Variants in ZBTB40 observed in about 807,000 individuals in gnomAD.
ZBTB40 encodes the protein zinc finger and BTB domain containing 40, also known as zinc finger and BTB domain-containing protein 40.
Under a neutral mutation model 117.5 loss-of-function variants are expected in ZBTB40, and 60 were observed. That is an observed-to-expected ratio of 0.51 (90% confidence interval 0.41 to 0.63). The LOEUF (loss-of-function observed/expected upper bound fraction) is 0.63. Ranked by LOEUF, ZBTB40 falls within the 30% of genes least tolerant of loss-of-function variation. ZBTB40 has a pLI of 0.00. For missense variants in ZBTB40, 1,287 were observed against 1,498.5 expected, an observed-to-expected ratio of 0.86 and a Z score of 2.33; for synonymous variants, 525 against 577.1, an observed-to-expected ratio of 0.91 and a Z score of 1.29.
In ZBTB40 at chr1:22,526,972, G is replaced by A. The variant is rs180860108; in HGVS notation, c.*576G>A. 221 of 195,616 alleles carry A rather than the reference G, an allele frequency of 1.1e-3. No homozygotes were observed. The highest frequency in any genetic ancestry group is 1.8e-3 in the Non-Finnish European group (172 of 93,664). The allele number at this position is 195,616 out of a possible 1,614,324, so 12.1% of individuals were successfully genotyped here. On this transcript the variant is annotated 3_prime_UTR_variant, in exon 18 of 18. Transcript: ENST00000375647. ...GGTTCCCCCTCCACCCAGTGGCCACGCCCAGCACCCTATTGATGGCTATAG... is the reference window on the plus strand; with the variant it reads ...GGTTCCCCCTCCACCCAGTGGCCACACCCAGCACCCTATTGATGGCTATAG...
intron 17 of ZBTB40, 22 bp from the exon 18 acceptor site, chr1:22,526,180 C>T (rs765205752): frequency 2.5e-6 from 4 of 1,613,834 alleles, no homozygotes; most frequent in Non-Finnish European, 3.4e-6. Context: ...CCCAGAGCAG[C>T]CTCACGGTCT....
Position 22,511,861 on chromosome 1 carries a change from G to C in ZBTB40, c.2188G>C (p.Asp730His). The change falls in exon 11 of 18, where the codon GAC (aspartate) becomes CAC (histidine). Residue 730 changes from aspartate (D) to histidine (H), a missense_variant. Physicochemically the swap from Asp to His is moderately conservative, Grantham distance 81 (BLOSUM62 -1). Around this residue, in one of 2 missense-constraint regions of ZBTB40, gnomAD observed 870 missense variants for 934.4 expected, o/e 0.93. Coordinates refer to ENST00000375647, the MANE Select transcript of ZBTB40 (RefSeq NM_014870.4). The stretch of plus-strand genomic sequence containing the variant: ...AGAGAAAGAGGCTTCAGCCTCCCCA[G>C]ACCCTGCCAAGAAGAGCTTCATCTG... ...QQEKEASASP[D>H]PAKKSFICKA... 6.2e-7 allele frequency: 1 copy of C among 1,614,156 alleles called. No homozygotes were observed. Among genetic ancestry groups the C allele is most frequent in the Non-Finnish European group, 8.5e-7 (1 of 1,180,020 alleles).
In ZBTB40 at chr1:22,489,983, A is replaced by T; in HGVS notation, c.35A>T (p.Gln12Leu). The T allele has an allele frequency of 6.2e-7, 1 of 1,613,292 alleles. No homozygotes were observed. The highest frequency in any genetic ancestry group is 8.5e-7 in the Non-Finnish European group (1 of 1,179,980). The change falls in exon 2 of 18, where the codon CAG becomes CTG. Residue 12 changes from glutamine (Q) to leucine (L), a missense_variant. Physicochemically the swap from Gln to Leu is moderately radical, Grantham distance 113 (BLOSUM62 -2). Transcript: ENST00000375647. The part of the protein sequence containing the change: ...ELPNYSRQLL[Q>L]QLYTLCKEQQ... The stretch of plus-strand genomic sequence containing the variant: ...CCCAACTACAGCCGGCAGCTGCTGC[A>T]GCAGCTGTACACTCTGTGCAAGGAG...
chr1:22,460,070 C>A (rs567713331), intron 1 of ZBTB40, among the ~76,000 whole-genome samples: 1 of 152,206 alleles, frequency 6.6e-6, no homozygotes, highest in Admixed American at 6.5e-5. Context: ...ATACCTCCCC[C>A]CTTAAAGCTC....
chr1:22,470,384 G>C (rs1641372827), intron 1 of ZBTB40, among the ~76,000 whole-genome samples: 1 of 152,204 alleles, frequency 6.6e-6, no homozygotes, highest in Non-Finnish European at 1.5e-5. Flanking sequence ...AAGTGTGTGG[G>C]AGAAAGGAGT....
At chr1:22,437,553 T>G (rs922379733) in intron 1 of ZBTB40, among the ~76,000 whole-genome samples, 1 of 151,794 alleles carries the variant, frequency 6.6e-6, no homozygotes, top group East Asian at 2.0e-4. Context: ...CCCAAGTAGC[T>G]GAACTACAGG....
chr1:22,469,777 A>G (rs1389748830), intron 1 of ZBTB40, among the ~76,000 whole-genome samples: 1 of 151,680 alleles, frequency 6.6e-6, no homozygotes, highest in Non-Finnish European at 1.5e-5. Context: ...ACCTTAAATG[A>G]CCGCCTGCCT....
At chr1:22,451,287 T>G (rs1223130108), upstream of ZBTB40, among the ~76,000 whole-genome samples, 1 of 152,138 alleles carries the variant, frequency 6.6e-6, no homozygotes, top group Non-Finnish European at 1.5e-5. Flanking sequence ...AACGAAGCCT[T>G]TTGTGTTCAC....
chr1:22,519,665 T>G (rs2124469503), intron 13 of ZBTB40: 1 of 320,892 alleles, frequency 3.1e-6, no homozygotes, highest in South Asian at 2.8e-5. Context: ...TTAGTGATGC[T>G]CTGGGGAGTG....
At position 22,433,438 on chromosome 1, in the gene ZBTB40, AAAAAAAAAAAAAAAAAAAAGACAGCT is replaced by A. The variant is rs1224866843; in HGVS notation, c.-70+4430_-70+4455del. 9.3e-5 allele frequency among the ~76,000 whole-genome samples: 12 copies of A among 129,152 alleles called. 1 individual carries two copies. The highest frequency in any genetic ancestry group is 1.3e-4 in the Non-Finnish European group (8 of 61,792). 84.7% of individuals were successfully genotyped at this position (129,152 alleles called of 152,430 possible). ...ACAGAGCAAGACGCCCTCTCAAAAAAAAAAAAAAAAAAAAAAAAAGACAGCTAAAAATATGGTACAACAACCATTTA... is the reference window on the plus strand; with the variant it reads ...ACAGAGCAAGACGCCCTCTCAAAAAAAAAAATATGGTACAACAACCATTTA... On this transcript the variant is annotated intron_variant, in intron 1 of 8. Transcript: ENST00000650433.
At chr1:22,466,476 G>A (rs7549470) in intron 1 of ZBTB40, among the ~76,000 whole-genome samples, 46,570 of 151,928 alleles carry the variant, frequency 0.31, 7,882 homozygotes, top group Admixed American at 0.43. Context: ...TTCCACAGGG[G>A]TGGCACCATC....
At chr1:22,433,446 A>AAACAAAC (rs1640626493) in intron 1 of ZBTB40, among the ~76,000 whole-genome samples, 2 of 141,362 alleles carry the variant, frequency 1.4e-5, no homozygotes, top group African/African-American at 2.5e-5. Flanking sequence ...AAAAAAAAAA[A>AAACAAAC]AAAAAAAAAA....
intron 7 of ZBTB40, 133 bp from the exon 8 acceptor site, chr1:22,508,397 C>T: frequency 6.2e-6 from 7 of 1,122,632 alleles, no homozygotes; most frequent in African/African-American, 1.5e-5. Context: ...ATCTCTCAGA[C>T]TGAGAGGTGA....
At position 22,509,223 on chromosome 1, in the gene ZBTB40, C is replaced by T. The variant is rs779515730; in HGVS notation, c.1823C>T (p.Thr608Ile). ...FTSEEEHLAE[T>I]VKEILSIPSE... ...TCGGAGGAGGAGCACCTGGCAGAGA[C>T]TGTGAAAGAGGTGTGGTGGGAATAA... Residue 608 changes from threonine (T) to isoleucine (I), a missense_variant, in exon 9 of 18, where the codon ACT becomes ATT. By Grantham distance (89) the Thr-to-Ile change is moderately conservative. Coordinates refer to ENST00000375647, the MANE Select transcript of ZBTB40 (RefSeq NM_014870.4). 1.2e-6 allele frequency: 2 copies of T among 1,614,106 alleles called. No individual in the cohort carries two copies. Among genetic ancestry groups the T allele is most frequent in the South Asian group, 1.1e-5 (1 of 91,078 alleles).
Position 22,522,945 on chromosome 1 carries a change from CTTTTT to C in ZBTB40, c.3298+498_3298+502del, listed in dbSNP as rs34232963. Among the ~76,000 whole-genome samples, 28 of 93,912 alleles carry C rather than the reference CTTTTT, an allele frequency of 3.0e-4. 1 individual carries two copies. The highest frequency in any genetic ancestry group is 1.2e-3 in the East Asian group (3 of 2,524). The allele number at this position is 93,912 out of a possible 152,430, so 61.6% of individuals were successfully genotyped here. Reference sequence around the variant, plus strand: ...CCATGCTCGACTAAATAAGATGTACCTTTTTTTTTTTTTTTTTTTTGAGATGGAGT... The same window carrying C: ...CCATGCTCGACTAAATAAGATGTACCTTTTTTTTTTTTTTTGAGATGGAGT... On this transcript the variant is annotated intron_variant, in intron 16 of 17. Transcript: ENST00000375647.
intron 5 of ZBTB40, among the ~76,000 whole-genome samples, chr1:22,503,931 T>C (rs1557511872): frequency 6.6e-6 from 1 of 152,242 alleles, no homozygotes; most frequent in Admixed American, 6.5e-5. Context: ...AAACAGCATT[T>C]ATAGATAGAG....
Position 22,513,475 on chromosome 1 carries a change from C to T in ZBTB40, c.2668+345C>T, listed in dbSNP as rs1188157203. 3.3e-5 allele frequency among the ~76,000 whole-genome samples: 5 copies of T among 150,158 alleles called. No individual in the cohort carries two copies. Among genetic ancestry groups the T allele is most frequent in the South Asian group, 2.1e-4 (1 of 4,756 alleles). On this transcript the variant is annotated intron_variant, in intron 12 of 17. Transcript: ENST00000375647. This position sits in a 1 kb window ranked among gnomAD's most constrained non-coding sequence, Gnocchi z 4.9. ...AAAAAAAAAATAAGGCTGAGGCAGG[C>T]GGATCACAAGGTCAGGAGATTGAGA...
intron 3 of ZBTB40, among the ~76,000 whole-genome samples, chr1:22,492,017 G>C (rs1033537436): frequency 6.6e-6 from 1 of 152,108 alleles, no homozygotes; most frequent in Non-Finnish European, 1.5e-5. Context: ...AACATTCAAC[G>C]AACACTTCCT....
chr1:22,479,993 G>A (rs1363921839), intron 1 of ZBTB40, among the ~76,000 whole-genome samples: 6 of 152,026 alleles, frequency 3.9e-5, no homozygotes, highest in South Asian at 2.1e-4. Flanking sequence ...TGCAACCTCC[G>A]TCTCCTGGGT....
Sources: allele counts gnomAD v4.1 joint callset (sites outside exome capture counted in the v4.1 genomes callset), GRCh38; gene constraint gnomAD v4.1.1; regional missense constraint gnomAD v4.1.1; non-coding constraint Gnocchi (gnomAD v3.1); transcripts MANE v1.5; gene names NCBI Gene and HGNC (gene_info 2026-07-23, HGNC 2026-07-21).